PCDHA9: variants seen among roughly 807,000 people sequenced by gnomAD.
PCDHA9 encodes the protein protocadherin alpha 9.
Under a neutral mutation model 62.0 loss-of-function variants are expected in PCDHA9, and 62 were observed. That is an observed-to-expected ratio of 1.00 (90% CI 0.81 to 1.23). PCDHA9 has a LOEUF of 1.23. Among genes scored for constraint, PCDHA9 ranks in the 50% most tolerant of loss-of-function variants. The pLI, the probability that PCDHA9 is intolerant of heterozygous loss-of-function variation, is 0.00. For synonymous variants in PCDHA9, 557 were observed against 567.6 expected (o/e 0.98, Z 0.27); for missense variants, 1,205 against 1,249.8 (o/e 0.96, Z 0.54).
chr5:140,876,976 C>G lies in PCDHA9; in HGVS notation c.2394+26087C>G, dbSNP rs782283591. 6 of 1,612,586 alleles carry G rather than the reference C, an allele frequency of 3.7e-6. No homozygotes were observed. In the Admixed American group the frequency reaches 5.0e-5, roughly 13 times the overall value. ...GCTGGTGGAGCGGCGGGTGGGCGAG[C>G]ACGCACTGTCGAGCTACGTGTCGGT... On this transcript the variant is annotated intron_variant, in intron 1 of 3. Transcript: ENST00000532602.
intron 3 of PCDHA9, among the ~76,000 whole-genome samples, chr5:141,003,751 T>G (rs3822342): frequency 0.05 from 7,683 of 152,316 alleles, 243 homozygotes; most frequent in South Asian, 0.11. Flanking sequence ...ATATTTTGTA[T>G]AATTATGGTC....
At chr5:140,882,802 C>T (rs782615396) in intron 1 of PCDHA9, 21 of 1,614,206 alleles carry the variant, frequency 1.3e-5, no homozygotes, top group Non-Finnish European at 1.5e-5. Context: ...ACGATTATTT[C>T]ACTTTGGACG....
chr5:140,876,463 G>T, intron 1 of PCDHA9: 2 of 1,614,014 alleles, frequency 1.2e-6, no homozygotes, highest in Non-Finnish European at 1.7e-6. Flanking sequence ...TCCTTCCATG[G>T]CAGGTCACAG....
chr5:140,959,696 G>A (rs1344206142), intron 1 of PCDHA9, among the ~76,000 whole-genome samples: 1 of 152,098 alleles, frequency 6.6e-6, no homozygotes, highest in Non-Finnish European at 1.5e-5. Flanking sequence ...AATAAAATGA[G>A]CTTTGAAAGG....
chr5:141,001,488 ATGCTAGCCCAGGT>A (rs1261759985), intron 3 of PCDHA9, among the ~76,000 whole-genome samples: 3 of 152,210 alleles, frequency 2.0e-5, no homozygotes, highest in Non-Finnish European at 4.4e-5. Flanking sequence ...AGTGCTGGAA[ATGCTAGCCCAGGT>A]GGGCTTAGCT....
At chr5:140,862,992 C>A (rs781974665) in intron 1 of PCDHA9, 3 of 548,132 alleles carry the variant, frequency 5.5e-6, no homozygotes, top group Admixed American at 1.9e-5. Flanking sequence ...AAGGTGCGCA[C>A]GGTGGACTCC....
At chr5:140,998,721 C>G (rs987484967) in intron 3 of PCDHA9, among the ~76,000 whole-genome samples, 1 of 152,084 alleles carries the variant, frequency 6.6e-6, no homozygotes, top group Non-Finnish European at 1.5e-5. Context: ...TGCACCACCA[C>G]GCTAGGCTAA....
intron 1 of PCDHA9, chr5:140,856,965 C>T: frequency 1.9e-6 from 3 of 1,590,456 alleles, no homozygotes; most frequent in Non-Finnish European, 2.6e-6. Context: ...GTAAATGATG[C>T]TATTGACTTT....
chr5:140,967,633 T>G, intron 1 of PCDHA9: 2 of 1,614,106 alleles, frequency 1.2e-6, no homozygotes, highest in Non-Finnish European at 1.7e-6. Flanking sequence ...AGGGCTCCAA[T>G]GGTGAGCTCA....
At chr5:140,865,963 C>A (rs182783301) in intron 1 of PCDHA9, 23 of 152,226 alleles carry the variant, frequency 1.5e-4, no homozygotes, top group Non-Finnish European at 3.1e-4. Flanking sequence ...TAATTTTGTA[C>A]AATGTGTGAT....
At chr5:140,983,588 C>T (rs530448589) in intron 3 of PCDHA9, among the ~76,000 whole-genome samples, 2 of 152,270 alleles carry the variant, frequency 1.3e-5, no homozygotes, top group East Asian at 3.9e-4. Flanking sequence ...TACATCTATT[C>T]TACATATGAG....
At chr5:140,929,298 A>G (rs1554206937) in intron 1 of PCDHA9, 26 of 1,591,722 alleles carry the variant, frequency 1.6e-5, no homozygotes, top group Non-Finnish European at 2.1e-5. Context: ...GGAATAGGAA[A>G]GGGGATCACG....
chr5:140,885,638 A>C (rs1490773479), intron 1 of PCDHA9, among the ~76,000 whole-genome samples: 10 of 152,184 alleles, frequency 6.6e-5, no homozygotes, highest in Admixed American at 5.2e-4. Flanking sequence ...ATTGCCTTCC[A>C]AGTATTTTGG....
At chr5:140,870,423 A>G in intron 1 of PCDHA9, 2 of 1,614,178 alleles carry the variant, frequency 1.2e-6, no homozygotes, top group African/African-American at 1.3e-5. Flanking sequence ...CGGCCAGGGT[A>G]TCCGTGGAGG....
At chr5:140,983,473 ATAG>A (rs746174585) in intron 3 of PCDHA9, among the ~76,000 whole-genome samples, 7 of 152,242 alleles carry the variant, frequency 4.6e-5, no homozygotes, top group Admixed American at 6.5e-5. Flanking sequence ...CATGATGATA[ATAG>A]TAGTTACTAA....
chr5:140,926,303 C>G (rs1248613470), intron 1 of PCDHA9: 1 of 152,328 alleles, frequency 6.6e-6, no homozygotes, highest in African/African-American at 2.4e-5. Flanking sequence ...CCCGCCCTCT[C>G]CGCCGGAGAG....
chr5:140,851,536 A>G, intron 1 of PCDHA9: 1 of 906,554 alleles, frequency 1.1e-6, no homozygotes, highest in African/African-American at 1.8e-5. Context: ...GACAATGTAG[A>G]TAATTCAAGA....
chr5:140,894,941 C>T (rs2064738715), intron 1 of PCDHA9, among the ~76,000 whole-genome samples: 1 of 152,272 alleles, frequency 6.6e-6, no homozygotes, highest in East Asian at 1.9e-4. Context: ...CAGCTATTGT[C>T]ATGAAATGAT....
intron 1 of PCDHA9, among the ~76,000 whole-genome samples, chr5:140,906,693 G>A (rs887867103): frequency 6.6e-6 from 1 of 152,082 alleles, no homozygotes; most frequent in African/African-American, 2.4e-5. Context: ...GAAGGATCTG[G>A]GCCATTTGTA....
Sources: gnomAD v4.1 joint callset for allele counts (sites outside exome capture counted in the v4.1 genomes callset) on GRCh38, gnomAD v4.1.1 for gene constraint, MANE v1.5 for transcripts, NCBI Gene and HGNC (gene_info 2026-07-23, HGNC 2026-07-21) for gene names.